CSMD1: variants seen among roughly 807,000 people sequenced by gnomAD.
CSMD1 encodes CUB and Sushi multiple domains 1.
CSMD1 carries 213 observed loss-of-function variants against 417.5 expected under a neutral mutation model. The observed-to-expected ratio is 0.51, with a 90% CI of 0.46 to 0.57. CSMD1 has a LOEUF of 0.57. Among genes scored for constraint, CSMD1 ranks in the 20% least tolerant of loss-of-function variants. The probability of loss-of-function intolerance (pLI) is 0.00; values close to 1 mark genes in which losing one functional copy is unlikely to be tolerated. For synonymous variants in CSMD1, 2,862 were observed against 1,736.8 expected (o/e 1.65, Z -16.11); for missense variants, 6,923 against 4,529.7 (o/e 1.53, Z -15.17).
At chr8:3,468,251 T>C (rs1585208830) in intron 12 of CSMD1, among the ~76,000 whole-genome samples, 2 of 152,342 alleles carry the variant, frequency 1.3e-5, no homozygotes, top group African/African-American at 2.4e-5. Flanking sequence ...ACTTGTAAAG[T>C]TGTAAACTAG....
Position 2,955,591 on chromosome 8 carries a change from T to C in CSMD1, c.9992A>G (p.Lys3331Arg). The C allele has an allele frequency of 1.2e-6, 2 of 1,613,470 alleles. No homozygotes were observed. The highest frequency in any genetic ancestry group is 2.7e-5 in the African/African-American group (2 of 75,030). Residue 3331 changes from lysine to arginine, a missense_variant and splice_region_variant, in exon 64 of 70, where the codon AAA (lysine) becomes AGA (arginine). Transcript: ENST00000635120. The part of the protein sequence containing the change: ...MKWTGKSPVC[K>R]SKGVREVNET... ...CCACTCCTTGATCAATGACTTACTT[T>C]TACACACAGGCGACTTTCCTGTCCA... is the stretch of plus-strand genomic sequence containing the variant.
chr8:3,557,623 C>T (rs1381780582), intron 10 of CSMD1, among the ~76,000 whole-genome samples: 1 of 152,170 alleles, frequency 6.6e-6, no homozygotes, highest in Non-Finnish European at 1.5e-5. Context: ...CTTTCCTCTG[C>T]TTTGAGGCCC....
At chr8:3,590,720 A>G (rs1422051475) in intron 8 of CSMD1, among the ~76,000 whole-genome samples, 1 of 152,220 alleles carries the variant, frequency 6.6e-6, no homozygotes, top group Non-Finnish European at 1.5e-5. Flanking sequence ...GCTGGCAAAC[A>G]GAGCCAATGT....
intron 26 of CSMD1, among the ~76,000 whole-genome samples, chr8:3,243,081 G>A (rs1465249757): frequency 2.6e-5 from 4 of 152,160 alleles, no homozygotes; most frequent in Non-Finnish European, 5.9e-5. Flanking sequence ...ATTAACAGAA[G>A]GGAGAGATTG....
chr8:3,151,527 A>T lies in CSMD1; in HGVS notation c.5915-14T>A. On this transcript the variant is annotated splice_polypyrimidine_tract_variant and intron_variant, in intron 39 of 69. Transcript: ENST00000635120. ...CTCCACAGGTTGCTGTTAAGTGGAC[A>T]AGATGTCAGTCCTGCAGGTCCTCAC... The T allele has an allele frequency of 6.5e-7, 1 of 1,545,918 alleles. No individual in the cohort carries two copies. Among genetic ancestry groups the T allele is most frequent in the East Asian group, 2.3e-5 (1 of 44,366 alleles).
chr8:3,867,476 C>T (rs754783345), intron 5 of CSMD1, among the ~76,000 whole-genome samples: 1 of 152,136 alleles, frequency 6.6e-6, no homozygotes, highest in African/African-American at 2.4e-5. Context: ...CAAAATATAT[C>T]TGACCTGCTG....
intron 3 of CSMD1, among the ~76,000 whole-genome samples, chr8:4,317,509 T>C (rs1011190500): frequency 2.6e-5 from 4 of 152,156 alleles, no homozygotes; most frequent in African/African-American, 9.7e-5. Flanking sequence ...CCTGCTAAGG[T>C]AAGTGACTTT....
intron 3 of CSMD1, among the ~76,000 whole-genome samples, chr8:4,257,128 C>G (rs549201398): frequency 6.6e-6 from 1 of 152,250 alleles, no homozygotes; most frequent in African/African-American, 2.4e-5. Context: ...GTCATACTCA[C>G]CACATTTGTT....
At chr8:3,752,094 A>C (rs1347546603) in intron 6 of CSMD1, among the ~76,000 whole-genome samples, 18 of 151,290 alleles carry the variant, frequency 1.2e-4, no homozygotes, top group Non-Finnish European at 2.5e-4. Context: ...GTGTGCACCC[A>C]CCTCCCACCG....
intron 7 of CSMD1, among the ~76,000 whole-genome samples, chr8:3,699,681 C>A (rs1397409786): frequency 6.6e-6 from 1 of 152,188 alleles, no homozygotes; most frequent in Admixed American, 6.5e-5. Flanking sequence ...TGATCTGAAA[C>A]ACTATAAGAC....
chr8:4,030,014 C>G (rs149544452), intron 4 of CSMD1, among the ~76,000 whole-genome samples: 237 of 152,278 alleles, frequency 1.6e-3, no homozygotes, highest in African/African-American at 5.5e-3. Context: ...CATGCTGATG[C>G]AAGAGGTGAG....
intron 11 of CSMD1, among the ~76,000 whole-genome samples, chr8:3,470,185 T>A (rs1029544884): frequency 6.6e-6 from 1 of 152,202 alleles, no homozygotes; most frequent in African/African-American, 2.4e-5. Flanking sequence ...TAAAGTTTTT[T>A]TGTAAATGAA....
intron 6 of CSMD1, among the ~76,000 whole-genome samples, chr8:3,717,209 AATTAT>A (rs1801889349): frequency 6.6e-6 from 1 of 152,154 alleles, no homozygotes; most frequent in Non-Finnish European, 1.5e-5. Flanking sequence ...TACATTTCAA[AATTAT>A]ATTAGTAAAC....
intron 51 of CSMD1, among the ~76,000 whole-genome samples, chr8:3,019,870 A>G (rs1416955741): frequency 1.3e-5 from 2 of 152,234 alleles, no homozygotes; most frequent in African/African-American, 4.8e-5. Context: ...ATCCAGCCCA[A>G]CCTATCATCA....
intron 7 of CSMD1, among the ~76,000 whole-genome samples, chr8:3,635,696 G>C (rs1446120996): frequency 1.3e-5 from 2 of 149,226 alleles, no homozygotes; most frequent in African/African-American, 4.9e-5. Context: ...TGTTAGCCAG[G>C]ATGGTCTCAA....
At chr8:4,304,002 C>G (rs1238871210) in intron 3 of CSMD1, among the ~76,000 whole-genome samples, 1 of 152,108 alleles carries the variant, frequency 6.6e-6, no homozygotes, top group Non-Finnish European at 1.5e-5. Flanking sequence ...AACATGATGT[C>G]TAGGAAGCGT....
rs149558907 is a variant in CSMD1, at chr8:4,709,587, G to C, written c.86-72029C>G. ...TCACCGTGGATGGGAAATTCAATTTGCAGAAGCTGTCCAAAGGCAAGAAAC... is the reference window on the plus strand; with the variant it reads ...TCACCGTGGATGGGAAATTCAATTTCCAGAAGCTGTCCAAAGGCAAGAAAC... On this transcript the variant is annotated intron_variant, in intron 1 of 69. Transcript: ENST00000635120. Among the ~76,000 whole-genome samples the C allele has an allele frequency of 9.1e-3, 1,380 of 152,296 alleles. 15 individuals carry two copies. The highest frequency in any genetic ancestry group is 0.044 in the Middle Eastern group (13 of 294).
intron 1 of CSMD1, among the ~76,000 whole-genome samples, chr8:4,824,910 C>T (rs1799736399): frequency 6.6e-6 from 1 of 152,076 alleles, no homozygotes; most frequent in African/African-American, 2.4e-5. Flanking sequence ...GTTACTGCTA[C>T]ACAAATGCTA....
At chr8:4,342,775 C>G (rs1370605261) in intron 3 of CSMD1, among the ~76,000 whole-genome samples, 1 of 151,924 alleles carries the variant, frequency 6.6e-6, no homozygotes, top group African/African-American at 2.4e-5. Context: ...AAAAATAATA[C>G]AAGCTCAAGG....
Sources: gnomAD v4.1 joint callset for allele counts (sites outside exome capture counted in the v4.1 genomes callset) on GRCh38, gnomAD v4.1.1 for gene constraint, MANE v1.5 for transcripts, NCBI Gene and HGNC (gene_info 2026-07-23, HGNC 2026-07-21) for gene names.